The following FAR2 variants were observed in gnomAD, a reference collection of about 807,000 sequenced individuals.
The protein encoded by FAR2 is fatty acyl-CoA reductase 2.
Under a neutral mutation model 56.0 loss-of-function variants are expected in FAR2, and 19 were observed. The ratio of observed to expected loss-of-function variants is 0.34; its 90% CI spans 0.24 to 0.50. FAR2 has a LOEUF of 0.50. FAR2 is among the 20% of genes least tolerant of loss of function. FAR2 has a pLI of 0.98. For missense variants in FAR2, 508 were observed against 642.2 expected, an observed-to-expected ratio of 0.79 and a Z score of 2.26; for synonymous variants, 219 against 218.8, an observed-to-expected ratio of 1.00 and a Z score of -0.01.
chr12:29,285,176 C>G (rs367831029), intron 2 of FAR2, among the ~76,000 whole-genome samples: 1 of 151,770 alleles, frequency 6.6e-6, no homozygotes, highest in African/African-American at 2.4e-5. Flanking sequence ...TTTTCAGACT[C>G]TTTTGTAGGG....
chr12:29,193,885 A>G (rs984096489), intron 1 of FAR2, among the ~76,000 whole-genome samples: 5 of 152,172 alleles, frequency 3.3e-5, no homozygotes, highest in Non-Finnish European at 5.9e-5. Context: ...GAGAGTTCCT[A>G]TCGCTCCACA....
chr12:29,263,814 A>G (rs1253310368), intron 1 of FAR2, among the ~76,000 whole-genome samples: 1 of 151,904 alleles, frequency 6.6e-6, no homozygotes, highest in Admixed American at 6.6e-5. Flanking sequence ...AAGCCACATT[A>G]AAAACTCTCC....
At chr12:29,177,867 C>T (rs1286737329) in intron 1 of FAR2, among the ~76,000 whole-genome samples, 1 of 151,188 alleles carries the variant, frequency 6.6e-6, no homozygotes, top group East Asian at 1.9e-4. Context: ...ACAACAACAA[C>T]AAAAAACCTC....
chr12:29,301,084 C>CT (rs1399999971), intron 4 of FAR2, among the ~76,000 whole-genome samples: 1 of 152,198 alleles, frequency 6.6e-6, no homozygotes, highest in Non-Finnish European at 1.5e-5. Context: ...AGCTCCCTTT[C>CT]TTTAGCCCCT....
intron 1 of FAR2, among the ~76,000 whole-genome samples, chr12:29,248,756 AG>A (rs1948165792): frequency 2.6e-5 from 4 of 152,174 alleles, no homozygotes; most frequent in Admixed American, 2.6e-4. Context: ...CGACCATAAA[AG>A]ATGGCCACGC....
At chr12:29,290,418 C>T (rs1018446201) in intron 2 of FAR2, among the ~76,000 whole-genome samples, 8 of 151,698 alleles carry the variant, frequency 5.3e-5, no homozygotes, top group Admixed American at 5.3e-4. Context: ...TGCACTCCAG[C>T]CTGGGTGACA....
intron 10 of FAR2, among the ~76,000 whole-genome samples, chr12:29,329,837 A>C (rs1317006299): frequency 6.6e-6 from 1 of 152,178 alleles, no homozygotes; most frequent in Non-Finnish European, 1.5e-5. Flanking sequence ...ACCAAGGAAA[A>C]TATGAATCAG....
intron 1 of FAR2, among the ~76,000 whole-genome samples, chr12:29,154,704 C>T (rs537204631): frequency 6.6e-5 from 10 of 152,114 alleles, no homozygotes; most frequent in Non-Finnish European, 1.5e-4. Flanking sequence ...GGATTACAGG[C>T]GTGAGCCACC....
chr12:29,319,556 A>G (rs552880292), intron 9 of FAR2, among the ~76,000 whole-genome samples: 1 of 152,226 alleles, frequency 6.6e-6, no homozygotes, highest in South Asian at 2.1e-4. Context: ...TACATATTTC[A>G]TATATTTTCT....
chr12:29,241,889 G>A lies in FAR2; in HGVS notation c.-38-28523G>A, dbSNP rs966081869. ...GATGGGTGTAGCACCCCCTGGGTGC[G>A]TGCATCGAAGCTGTGAACAAATCCC... On this transcript the variant is annotated intron_variant, in intron 1 of 11. Transcript: ENST00000536681. Among the ~76,000 whole-genome samples, 28 of 152,300 alleles carry A rather than the reference G, an allele frequency of 1.8e-4. No homozygotes were observed. The South Asian group carries it at 1.9e-3, about 10-fold the overall frequency.
At chr12:29,233,134 C>G (rs906208425) in intron 1 of FAR2, among the ~76,000 whole-genome samples, 4 of 152,088 alleles carry the variant, frequency 2.6e-5, no homozygotes, top group African/African-American at 9.7e-5. Context: ...TAATCATTCT[C>G]CTAAACCATT....
intron 1 of FAR2, among the ~76,000 whole-genome samples, chr12:29,185,529 C>T (rs925809406): frequency 6.6e-6 from 1 of 151,954 alleles, no homozygotes; most frequent in African/African-American, 2.4e-5. Flanking sequence ...TGTAGTTCAG[C>T]CCTCAATAAG....
At chr12:29,228,086 C>G (rs986581028) in intron 1 of FAR2, among the ~76,000 whole-genome samples, 2 of 145,764 alleles carry the variant, frequency 1.4e-5, no homozygotes, top group African/African-American at 2.6e-5. Flanking sequence ...ACATATGTAA[C>G]AAACCTGCAT....
chr12:29,315,982 A>G (rs1324472135), intron 8 of FAR2, among the ~76,000 whole-genome samples: 1 of 152,172 alleles, frequency 6.6e-6, no homozygotes, highest in Non-Finnish European at 1.5e-5. Flanking sequence ...TAATGCCACA[A>G]ATGTTTCAAT....
chr12:29,168,696 A>G (rs368136303), intron 1 of FAR2, among the ~76,000 whole-genome samples: 23 of 152,316 alleles, frequency 1.5e-4, no homozygotes, highest in African/African-American at 5.3e-4. Context: ...CGCTGACTTC[A>G]AGAATGAAGC....
At chr12:29,265,765 T>A (rs1051653679) in intron 1 of FAR2, among the ~76,000 whole-genome samples, 5 of 152,134 alleles carry the variant, frequency 3.3e-5, no homozygotes, top group Non-Finnish European at 5.9e-5. Context: ...AAACTATCCA[T>A]CTGACAAGGG....
intron 1 of FAR2, among the ~76,000 whole-genome samples, chr12:29,267,844 A>G (rs1399609441): frequency 1.3e-5 from 2 of 152,060 alleles, no homozygotes; most frequent in African/African-American, 2.4e-5. Context: ...TCTGTCATTG[A>G]CCCCTGTTTT....
At chr12:29,243,291 C>T (rs1415096539) in intron 1 of FAR2, among the ~76,000 whole-genome samples, 1 of 152,128 alleles carries the variant, frequency 6.6e-6, no homozygotes, top group African/African-American at 2.4e-5. Flanking sequence ...ATTTATCTTC[C>T]TGGATTGTCA....
At chr12:29,294,919 A>G (rs1949033708) in intron 3 of FAR2, among the ~76,000 whole-genome samples, 1 of 152,224 alleles carries the variant, frequency 6.6e-6, no homozygotes, top group Non-Finnish European at 1.5e-5. Flanking sequence ...TATTTGTTAA[A>G]TATTTTATTT....
Sources: gnomAD v4.1 joint callset for allele counts (sites outside exome capture counted in the v4.1 genomes callset) on GRCh38, gnomAD v4.1.1 for gene constraint, MANE v1.5 for transcripts, NCBI Gene and HGNC (gene_info 2026-07-23, HGNC 2026-07-21) for gene names.